IQCB1: variants seen among roughly 807,000 people sequenced by gnomAD.
IQCB1 encodes IQ motif containing B1, also known as IQ calmodulin-binding motif-containing protein 1.
IQCB1 carries 56 observed loss-of-function variants against 84.4 expected under a neutral mutation model. That is an observed-to-expected ratio of 0.66 (90% confidence interval 0.54 to 0.83). The LOEUF is 0.83. IQCB1 is among the 40% of genes least tolerant of loss of function. The pLI is 0.00. For missense variants in IQCB1, 629 were observed against 682.1 expected, an observed-to-expected ratio of 0.92 and a Z score of 0.87; for synonymous variants, 210 against 234.8, an observed-to-expected ratio of 0.89 and a Z score of 0.96.
At chr3:121,801,170 T>C (rs1314560654) in intron 7 of IQCB1, among the ~76,000 whole-genome samples, 2 of 152,046 alleles carry the variant, frequency 1.3e-5, no homozygotes, top group African/African-American at 2.4e-5. Context: ...TCACACTTCC[T>C]ACTAATCTCA....
At chr3:121,832,463 A>G (rs1285050820) in intron 2 of IQCB1, among the ~76,000 whole-genome samples, 1 of 151,834 alleles carries the variant, frequency 6.6e-6, no homozygotes, top group African/African-American at 2.4e-5. Flanking sequence ...AGTAGCTGGG[A>G]TTACAGGCGT....
chr3:121,772,726 G>C lies in IQCB1; in HGVS notation c.1411-13C>G, dbSNP rs767988179. The C allele has an allele frequency of 1.9e-6, 3 of 1,613,716 alleles. No individual in the cohort carries two copies. Among genetic ancestry groups the C allele is most frequent in the Non-Finnish European group, 2.5e-6 (3 of 1,179,904 alleles). ...ACATTGGAGAGCCCTGGAAACACAG[G>C]ACAGAAAAACCTGTCACAGAGAGGA... On this transcript the variant is annotated splice_polypyrimidine_tract_variant and intron_variant, in intron 13 of 14. Transcript: ENST00000310864.
chr3:121,817,608 C>A (rs943274729), intron 5 of IQCB1, among the ~76,000 whole-genome samples: 11 of 152,032 alleles, frequency 7.2e-5, no homozygotes, highest in Admixed American at 2.6e-4. Context: ...AAGACCTTTT[C>A]TACTCTATTA....
At chr3:121,791,692 G>A (rs561208563) in intron 10 of IQCB1, among the ~76,000 whole-genome samples, 3 of 152,132 alleles carry the variant, frequency 2.0e-5, no homozygotes, top group Non-Finnish European at 4.4e-5. Context: ...CAAAACTTCT[G>A]GGTTATACAG....
At chr3:121,832,852 TA>T (rs1657126168) in intron 2 of IQCB1, among the ~76,000 whole-genome samples, 1 of 152,184 alleles carries the variant, frequency 6.6e-6, no homozygotes, top group African/African-American at 2.4e-5. Context: ...ATTGATGGAT[TA>T]AAAAATGCAC....
chr3:121,830,915 G>T (rs1184660304), intron 2 of IQCB1, among the ~76,000 whole-genome samples: 1 of 152,200 alleles, frequency 6.6e-6, no homozygotes, highest in African/African-American at 2.4e-5. Context: ...GGCCTTGCTG[G>T]GTTTCCCCAC....
intron 7 of IQCB1, among the ~76,000 whole-genome samples, chr3:121,801,207 GTA>G (rs1332138959): frequency 6.6e-6 from 1 of 151,898 alleles, no homozygotes; most frequent in Non-Finnish European, 1.5e-5. Context: ...TCTCTACCAT[GTA>G]TAAGCTGATT....
chr3:121,773,310 C>T, intron 13 of IQCB1, among the ~76,000 whole-genome samples: 1 of 42,102 alleles, frequency 2.4e-5, no homozygotes, highest in East Asian at 5.3e-4. Context: ...CAAGACTCTG[C>T]CTTAAAAAAA....
chr3:121,774,096 C>T (rs1044952721), intron 13 of IQCB1, among the ~76,000 whole-genome samples: 4 of 151,738 alleles, frequency 2.6e-5, no homozygotes, highest in African/African-American at 7.3e-5. Context: ...CAAAATATAA[C>T]CCTGTGGAAA....
intron 5 of IQCB1, among the ~76,000 whole-genome samples, chr3:121,812,592 GA>G (rs934251972): frequency 2.0e-4 from 30 of 152,166 alleles, no homozygotes; most frequent in African/African-American, 7.2e-4. Context: ...TGATGGAGCT[GA>G]AAAACACAGC....
chr3:121,834,859 A>C, intron 1 of IQCB1, 107 bp downstream of exon 1: 1 of 266,278 alleles, frequency 3.8e-6, no homozygotes, highest in African/African-American at 2.2e-5. Flanking sequence ...TCTCCCGTTA[A>C]GAGCTCTTAC....
At chr3:121,770,614 C>T in intron 14 of IQCB1, 40 bp from the exon 15 acceptor site, 1 of 1,499,724 alleles carries the variant, frequency 6.7e-7, no homozygotes, top group Non-Finnish European at 9.2e-7. Context: ...CAGAAGAGTC[C>T]TATGCCAAGC....
chr3:121,808,038 A>G (rs1029207887), intron 6 of IQCB1, among the ~76,000 whole-genome samples: 2 of 152,040 alleles, frequency 1.3e-5, no homozygotes, highest in African/African-American at 4.8e-5. Context: ...TAGCTCTCAC[A>G]TGAGCTAATG....
chr3:121,788,933 T>G (rs1948847347), intron 11 of IQCB1, among the ~76,000 whole-genome samples: 1 of 152,084 alleles, frequency 6.6e-6, no homozygotes, highest in Non-Finnish European at 1.5e-5. Flanking sequence ...GAATTGTTAA[T>G]AAAAAGGGGG....
At chr3:121,813,546 C>T (rs1470502738) in intron 5 of IQCB1, among the ~76,000 whole-genome samples, 3 of 152,088 alleles carry the variant, frequency 2.0e-5, no homozygotes, top group South Asian at 2.1e-4. Context: ...TGCAAATACA[C>T]ACATAGGCTC....
At chr3:121,827,052 A>G (rs1036035876) in intron 4 of IQCB1, among the ~76,000 whole-genome samples, 2 of 152,110 alleles carry the variant, frequency 1.3e-5, no homozygotes, top group African/African-American at 4.8e-5. Flanking sequence ...GGGGTGGTAC[A>G]TATACACCAT....
chr3:121,804,042 T>G (rs1386351204), intron 7 of IQCB1, among the ~76,000 whole-genome samples: 1 of 152,096 alleles, frequency 6.6e-6, no homozygotes, highest in East Asian at 1.9e-4. Context: ...TGATTAATTT[T>G]TATTGCCTTT....
intron 10 of IQCB1, among the ~76,000 whole-genome samples, chr3:121,792,911 G>C (rs2108555607): frequency 6.6e-6 from 1 of 152,262 alleles, no homozygotes; most frequent in African/African-American, 2.4e-5. Flanking sequence ...AGAATTAGTA[G>C]GCACTGGACC....
intron 6 of IQCB1, among the ~76,000 whole-genome samples, chr3:121,808,061 G>T (rs939285538): frequency 6.6e-5 from 10 of 151,910 alleles, no homozygotes; most frequent in Non-Finnish European, 1.3e-4. Context: ...AAATATCCTA[G>T]AACAGGGAAC....
Sources: allele counts gnomAD v4.1 joint callset (sites outside exome capture counted in the v4.1 genomes callset), GRCh38; gene constraint gnomAD v4.1.1; transcripts MANE v1.5; gene names NCBI Gene and HGNC (gene_info 2026-07-23, HGNC 2026-07-21).